PCSK5: variants seen among roughly 807,000 people sequenced by gnomAD.
PCSK5 encodes the protein prohormone convertase 5.
Under a neutral mutation model 233.2 loss-of-function variants are expected in PCSK5, and 129 were observed. That is an observed-to-expected ratio of 0.55 (90% confidence interval 0.48 to 0.64). The LOEUF is 0.64. Among genes scored for constraint, PCSK5 ranks in the 30% least tolerant of loss-of-function variants. The pLI, the probability that PCSK5 is intolerant of heterozygous loss-of-function variation, is 0.00. For synonymous variants in PCSK5, 825 were observed against 879.2 expected, an observed-to-expected ratio of 0.94 and a Z score of 1.09; for missense variants, 2,076 against 2,430.1, an observed-to-expected ratio of 0.85 and a Z score of 3.06.
In PCSK5 at chr9:76,175,042, C is replaced by G. The variant is rs752940234; in HGVS notation, c.1813C>G (p.Pro605Ala). ...LYGTSVQPYS[P>A]TNEFPKVERF... is the part of the protein sequence containing the mutation. ...CGGCACCTCCGTGCAGCCATATTCA[C>G]CAACCAATGAATTTCCGAAAGTGGA... is the stretch of plus-strand genomic sequence containing the variant. Residue 605 changes from proline (P) to alanine (A), a missense_variant, in exon 14 of 38, where the codon CCA becomes GCA. By Grantham distance (27) the Pro-to-Ala change is conservative. This residue lies in a region of PCSK5 where 84 missense variants were observed against 108.8 expected (regional missense o/e 0.77). Transcript: ENST00000674117. The G allele has an allele frequency of 6.2e-7, 1 of 1,613,968 alleles. No homozygotes were observed. Among genetic ancestry groups the G allele is most frequent in the Non-Finnish European group, 8.5e-7 (1 of 1,179,852 alleles).
chr9:76,330,877 C>T (rs965239239), intron 33 of PCSK5, among the ~76,000 whole-genome samples: 2 of 152,168 alleles, frequency 1.3e-5, no homozygotes, highest in African/African-American at 4.8e-5. Flanking sequence ...CCAGCCACGT[C>T]TCCCAGGTAA....
intron 24 of PCSK5, among the ~76,000 whole-genome samples, chr9:76,242,774 C>T (rs1240946544): frequency 6.6e-6 from 1 of 152,160 alleles, no homozygotes; most frequent in Non-Finnish European, 1.5e-5. Context: ...GTTGTGTGCC[C>T]ATACTAGCAT....
intron 32 of PCSK5, among the ~76,000 whole-genome samples, chr9:76,327,758 T>G (rs377299495): frequency 1.3e-5 from 2 of 152,224 alleles, no homozygotes; most frequent in South Asian, 4.1e-4. Context: ...AGATGGCTAT[T>G]GCAGGAAAGC....
At chr9:75,927,316 A>C (rs141200317) in intron 1 of PCSK5, among the ~76,000 whole-genome samples, 1 of 152,104 alleles carries the variant, frequency 6.6e-6, no homozygotes, top group Non-Finnish European at 1.5e-5. Context: ...TTCAAAAAGG[A>C]GGTACAGAAT....
At chr9:75,956,042 A>G (rs995595060) in intron 2 of PCSK5, among the ~76,000 whole-genome samples, 14 of 152,154 alleles carry the variant, frequency 9.2e-5, no homozygotes, top group African/African-American at 3.4e-4. Flanking sequence ...TCCAGGCTGT[A>G]CTCTTGTAAC....
chr9:76,109,328 C>A (rs931264942), intron 9 of PCSK5, among the ~76,000 whole-genome samples: 2 of 152,096 alleles, frequency 1.3e-5, no homozygotes, highest in African/African-American at 4.8e-5. Context: ...CATGCTCCCC[C>A]TCAAAGGCTA....
At chr9:76,014,748 GTCTTC>G (rs1348959212) in intron 3 of PCSK5, among the ~76,000 whole-genome samples, 1 of 152,136 alleles carries the variant, frequency 6.6e-6, no homozygotes, top group Non-Finnish European at 1.5e-5. Flanking sequence ...CCATATGAAT[GTCTTC>G]TCTTCTCATA....
chr9:76,325,464 C>T (rs1198528988), intron 32 of PCSK5, among the ~76,000 whole-genome samples: 1 of 152,180 alleles, frequency 6.6e-6, no homozygotes, highest in African/African-American at 2.4e-5. Context: ...TCTCCCACCA[C>T]CAGTAATTCT....
At chr9:76,136,767 A>G (rs1416552) in intron 10 of PCSK5, among the ~76,000 whole-genome samples, 28,587 of 152,056 alleles carry the variant, frequency 0.19, 2,995 homozygotes, top group Middle Eastern at 0.35. Flanking sequence ...AAATTGCTCA[A>G]TAGGTACCTG....
intron 24 of PCSK5, among the ~76,000 whole-genome samples, chr9:76,276,422 G>A (rs975255049): frequency 6.6e-6 from 1 of 151,936 alleles, no homozygotes; most frequent in African/African-American, 2.4e-5. Flanking sequence ...ATTACTCTTC[G>A]ATTAGAATGT....
chr9:75,912,199 G>A (rs2131233482), intron 1 of PCSK5, among the ~76,000 whole-genome samples: 1 of 152,146 alleles, frequency 6.6e-6, no homozygotes, highest in Non-Finnish European at 1.5e-5. Flanking sequence ...AAGGTGGCAT[G>A]AGCAAATTTG....
intron 12 of PCSK5, among the ~76,000 whole-genome samples, chr9:76,159,611 A>T (rs965927455): frequency 1.3e-5 from 2 of 152,172 alleles, no homozygotes; most frequent in Non-Finnish European, 2.9e-5. Context: ...ACAGAGCCAG[A>T]CAATAAATGT....
intron 7 of PCSK5, among the ~76,000 whole-genome samples, chr9:76,079,235 C>T (rs1587598639): frequency 6.6e-6 from 1 of 151,624 alleles, no homozygotes; most frequent in South Asian, 2.1e-4. Flanking sequence ...TCCCAAGTAG[C>T]TGGGACTACA....
chr9:75,898,470 C>G, intron 1 of PCSK5, among the ~76,000 whole-genome samples: 1 of 152,218 alleles, frequency 6.6e-6, no homozygotes, highest in Non-Finnish European at 1.5e-5. Context: ...TGACTGGGGT[C>G]GTATCCCCAC....
intron 24 of PCSK5, among the ~76,000 whole-genome samples, chr9:76,241,676 T>C: frequency 6.6e-6 from 1 of 152,238 alleles, no homozygotes; most frequent in Admixed American, 6.5e-5. Context: ...ACCATTGCAT[T>C]GGCGATAAAA....
chr9:76,077,628 C>G (rs1830687561), intron 7 of PCSK5, among the ~76,000 whole-genome samples: 1 of 152,146 alleles, frequency 6.6e-6, no homozygotes, highest in African/African-American at 2.4e-5. Flanking sequence ...TAATGTTTAG[C>G]TCCCACTTAT....
At chr9:75,959,391 G>C (rs373935171) in intron 2 of PCSK5, among the ~76,000 whole-genome samples, 1 of 152,168 alleles carries the variant, frequency 6.6e-6, no homozygotes, top group African/African-American at 2.4e-5. Flanking sequence ...AGATACCCTA[G>C]GAACCATGTC....
chr9:76,295,476 C>T (rs2643324), intron 26 of PCSK5, 65 bp downstream of exon 26: 2 of 1,443,292 alleles, frequency 1.4e-6, no homozygotes, highest in Non-Finnish European at 9.6e-7. Context: ...CAGTCGGGGC[C>T]ACAGGAGCGC....
chr9:76,096,137 T>G (rs1416547), intron 8 of PCSK5, 35 bp downstream of exon 8: 451,683 of 1,393,828 alleles, frequency 0.32, 75,126 homozygotes, highest in South Asian at 0.36. Context: ...ATGATCTGTT[T>G]ATTTAATGTT....
Sources: allele counts gnomAD v4.1 joint callset (sites outside exome capture counted in the v4.1 genomes callset), GRCh38; gene constraint gnomAD v4.1.1; regional missense constraint gnomAD v4.1.1; transcripts MANE v1.5; gene names NCBI Gene and HGNC (gene_info 2026-07-23, HGNC 2026-07-21).